Variants in CNTNAP5 observed in about 807,000 individuals in gnomAD.
The protein encoded by CNTNAP5 is contactin-associated protein-like 5.
Under a neutral mutation model 150.2 loss-of-function variants are expected in CNTNAP5, and 72 were observed. That is an observed-to-expected ratio of 0.48 (90% CI 0.40 to 0.58). The LOEUF (loss-of-function observed/expected upper bound fraction) is 0.58. Among genes scored for constraint, CNTNAP5 ranks in the 20% least tolerant of loss-of-function variants. The pLI is 0.00. For synonymous variants in CNTNAP5, 672 were observed against 619.8 expected, an observed-to-expected ratio of 1.08 and a Z score of -1.25; for missense variants, 1,636 against 1,626.2, an observed-to-expected ratio of 1.01 and a Z score of -0.10.
At chr2:124,522,744 A>G (rs6758600) in intron 8 of CNTNAP5, among the ~76,000 whole-genome samples, 4 of 152,174 alleles carry the variant, frequency 2.6e-5, no homozygotes, top group Non-Finnish European at 4.4e-5. Context: ...AGCTGCCTTC[A>G]TATTGTCATC....
rs142471657 is a variant in CNTNAP5, at chr2:124,436,320, G to A, written c.733+1633G>A. On this transcript the variant is annotated intron_variant, in intron 5 of 23. Transcript: ENST00000682447. ...ATGTTGTAAACCAGATACATTCATG[G>A]TGTGAATGGTAGAAATAGCATAGGT... 8.7e-4 allele frequency among the ~76,000 whole-genome samples: 133 copies of A among 152,256 alleles called. 2 individuals carry two copies. Among genetic ancestry groups the A allele is most frequent in the African/African-American group, 3.2e-3 (132 of 41,536 alleles).
chr2:124,681,434 G>T (rs1679066992), intron 13 of CNTNAP5, among the ~76,000 whole-genome samples: 1 of 152,030 alleles, frequency 6.6e-6, no homozygotes, highest in Non-Finnish European at 1.5e-5. Flanking sequence ...TTGCTGGTTT[G>T]TTGCTGTTTT....
In CNTNAP5 at chr2:124,227,640, ATGTGTGTG is replaced by A. The variant is rs200129722; in HGVS notation, c.187+5863_187+5870del. 1.5e-3 allele frequency among the ~76,000 whole-genome samples: 216 copies of A among 143,416 alleles called. 1 individual carries two copies. The highest frequency in any genetic ancestry group is 4.5e-3 in the African/African-American group (168 of 37,520). 94.1% of individuals were successfully genotyped at this position (143,416 alleles called of 152,430 possible). A position where few individuals can be genotyped will look rare whatever the true frequency, so the allele number is the denominator to read the frequency against. ...AATATAAACTCAGCACATCGTGTGT[ATGTGTGTG>A]TGTGTGTGTGTGTGTGTGTGTGTGT... On this transcript the variant is annotated intron_variant, in intron 2 of 23. Transcript: ENST00000682447.
chr2:124,347,974 C>T (rs538923624), intron 3 of CNTNAP5, among the ~76,000 whole-genome samples: 4 of 151,932 alleles, frequency 2.6e-5, no homozygotes, highest in African/African-American at 9.7e-5. Flanking sequence ...ACTACAGGCA[C>T]CTGCCACCAC....
At chr2:124,639,234 G>A (rs148243120) in intron 12 of CNTNAP5, among the ~76,000 whole-genome samples, 66 of 152,276 alleles carry the variant, frequency 4.3e-4, no homozygotes, top group African/African-American at 1.4e-3. Flanking sequence ...ATGTAAATGC[G>A]ACGAGCACGG....
At chr2:124,871,193 C>T (rs1238813340) in intron 21 of CNTNAP5, among the ~76,000 whole-genome samples, 5 of 151,928 alleles carry the variant, frequency 3.3e-5, no homozygotes, top group Admixed American at 2.6e-4. Flanking sequence ...TTCTGCCAGG[C>T]TTTATTTCCT....
At chr2:124,697,463 C>T (rs1474272268) in intron 13 of CNTNAP5, among the ~76,000 whole-genome samples, 2 of 152,194 alleles carry the variant, frequency 1.3e-5, no homozygotes, top group South Asian at 4.2e-4. Context: ...TAGAATGATC[C>T]CCTCATTTTT....
At chr2:124,744,351 T>C (rs1680562547) in intron 13 of CNTNAP5, among the ~76,000 whole-genome samples, 1 of 152,146 alleles carries the variant, frequency 6.6e-6, no homozygotes, top group African/African-American at 2.4e-5. Flanking sequence ...TCAGATGGAA[T>C]TGTGAGTCCA....
At chr2:124,437,128 T>G in intron 5 of CNTNAP5, among the ~76,000 whole-genome samples, 1 of 152,184 alleles carries the variant, frequency 6.6e-6, no homozygotes, top group South Asian at 2.1e-4. Context: ...GGATAACACC[T>G]TGTTCACTTC....
chr2:124,550,477 T>C (rs1695602519), intron 10 of CNTNAP5, among the ~76,000 whole-genome samples: 1 of 152,192 alleles, frequency 6.6e-6, no homozygotes, highest in African/African-American at 2.4e-5. Context: ...TGTCCTAAAA[T>C]TAAGAAGACC....
intron 1 of CNTNAP5, among the ~76,000 whole-genome samples, chr2:124,095,209 C>A (rs2104690252): frequency 6.6e-6 from 1 of 152,230 alleles, no homozygotes; most frequent in African/African-American, 2.4e-5. Flanking sequence ...ATGGATGAAG[C>A]TGGAAACCAT....
chr2:124,822,467 C>A (rs779651196), intron 19 of CNTNAP5, among the ~76,000 whole-genome samples: 2 of 152,172 alleles, frequency 1.3e-5, no homozygotes, highest in South Asian at 4.1e-4. Context: ...ATCTAATCAG[C>A]TGATTGCCTT....
chr2:124,125,086 C>T (rs896073213), intron 1 of CNTNAP5, among the ~76,000 whole-genome samples: 1 of 152,098 alleles, frequency 6.6e-6, no homozygotes, highest in South Asian at 2.1e-4. Flanking sequence ...TGTAAATGGG[C>T]TAAATGCACC....
chr2:124,551,131 G>A (rs1249004878), intron 10 of CNTNAP5, among the ~76,000 whole-genome samples: 1 of 151,946 alleles, frequency 6.6e-6, no homozygotes, highest in Non-Finnish European at 1.5e-5. Context: ...CTTTGTGCCC[G>A]GCTTCTTCTT....
chr2:124,760,462 C>T (rs1680933771), intron 14 of CNTNAP5, among the ~76,000 whole-genome samples: 1 of 151,964 alleles, frequency 6.6e-6, no homozygotes, highest in Non-Finnish European at 1.5e-5. Flanking sequence ...TGATACCCCG[C>T]CCCCACCACT....
intron 13 of CNTNAP5, among the ~76,000 whole-genome samples, chr2:124,687,753 C>G (rs1679221643): frequency 6.6e-6 from 1 of 151,856 alleles, no homozygotes; most frequent in South Asian, 2.1e-4. Context: ...AGGCAAAAAC[C>G]CTGATTTTAA....
chr2:124,440,426 A>C lies in CNTNAP5; in HGVS notation c.733+5739A>C, dbSNP rs1056284336. On this transcript the variant is annotated intron_variant, in intron 5 of 23. Coordinates refer to ENST00000682447, the MANE Select transcript of CNTNAP5 (RefSeq NM_001367498.1). The stretch of plus-strand genomic sequence containing the variant: ...GGCTGTCTGAAATTCACAGATTATG[A>C]AAGTTAAAGTGGCATCCATGTTTGA... 2.0e-5 allele frequency among the ~76,000 whole-genome samples: 3 copies of C among 152,168 alleles called. No individual in the cohort carries two copies. In the South Asian group the frequency reaches 6.2e-4, roughly 32 times the overall value.
intron 11 of CNTNAP5, among the ~76,000 whole-genome samples, chr2:124,606,379 TAAG>T (rs1198074350): frequency 1.3e-5 from 2 of 149,492 alleles, no homozygotes; most frequent in Admixed American, 6.6e-5. Flanking sequence ...AAAAAAAAAA[TAAG>T]AAGTAACAAT....
At chr2:124,255,218 T>C (rs553050676) in intron 3 of CNTNAP5, among the ~76,000 whole-genome samples, 2 of 152,114 alleles carry the variant, frequency 1.3e-5, no homozygotes, top group East Asian at 3.9e-4. Context: ...TGAGACTCCA[T>C]CTCAATTAAA....
Sources: gnomAD v4.1 joint callset for allele counts (sites outside exome capture counted in the v4.1 genomes callset) on GRCh38, gnomAD v4.1.1 for gene constraint, MANE v1.5 for transcripts, NCBI Gene and HGNC (gene_info 2026-07-23, HGNC 2026-07-21) for gene names.